Variants in PCNT observed in about 807,000 individuals in gnomAD.
PCNT encodes kendrin.
In PCNT, 319 loss-of-function variants were observed where a neutral mutation model predicts 380.4. The ratio of observed to expected loss-of-function variants is 0.84; its 90% CI spans 0.77 to 0.92. The LOEUF (loss-of-function observed/expected upper bound fraction) is 0.92, where lower values mean the gene tolerates loss of function less well. Among genes scored for constraint, PCNT ranks in the 40% least tolerant of loss-of-function variants. The pLI, the probability that PCNT is intolerant of heterozygous loss-of-function variation, is 0.00. For synonymous variants in PCNT, 1,845 were observed against 1,735.2 expected, an observed-to-expected ratio of 1.06 and a Z score of -1.57; for missense variants, 4,400 against 4,255.3, an observed-to-expected ratio of 1.03 and a Z score of -0.95.
At chr21:46,353,012 C>T (rs2084331707) in intron 9 of PCNT, 92 bp from the exon 10 acceptor site, 2 of 1,036,278 alleles carry the variant, frequency 1.9e-6, no homozygotes, top group Non-Finnish European at 3.0e-6. Flanking sequence ...CCGAGTTCTG[C>T]CCCCACCACA....
Position 46,428,515 on chromosome 21 carries a change from C to T in PCNT, c.7615C>T (p.Leu2539=), listed in dbSNP as rs1392678978. Residue 2539 remains leucine (L), a synonymous_variant, in exon 35 of 47, where the codon CTG becomes TTG. Transcript: ENST00000359568. ...RMTHLQNQEK[L]QHLRTALTSA... The stretch of plus-strand genomic sequence containing the variant: ...GACGCACCTGCAGAACCAGGAGAAG[C>T]TGCAGCACTTGCGCACGGCGCTGAC... 7 of 1,611,824 alleles carry T rather than the reference C, an allele frequency of 4.3e-6. No homozygotes were observed. The highest frequency in any genetic ancestry group is 5.1e-6 in the Non-Finnish European group (6 of 1,179,728).
intron 24 of PCNT, among the ~76,000 whole-genome samples, chr21:46,398,825 T>C (rs2086298759): frequency 6.7e-6 from 1 of 148,600 alleles, no homozygotes; most frequent in Non-Finnish European, 1.5e-5. Context: ...TTTTTCTTTT[T>C]TTTTTTTTTT....
intron 32 of PCNT, among the ~76,000 whole-genome samples, chr21:46,422,658 T>G (rs2087303920): frequency 6.6e-6 from 1 of 152,130 alleles, no homozygotes; most frequent in African/African-American, 2.4e-5. Context: ...AACAAGTGAG[T>G]GATAGAATGA....
chr21:46,398,380 CTCTT>C lies in PCNT; in HGVS notation c.4584+126_4584+129del. On this transcript the variant is annotated intron_variant, in intron 24 of 46. Coordinates refer to ENST00000359568, the MANE Select transcript of PCNT (RefSeq NM_006031.6). ...TGTTTGGGCTGCAGCCATCTGCTTT[CTCTT>C]GTCTGAGGAAGCTGTAGTAGGTTCG... The C allele has an allele frequency of 3.0e-6, 3 of 1,015,370 alleles. No individual in the cohort carries two copies. The South Asian group carries it at 4.1e-5, about 14-fold the overall frequency. The allele number at this position is 1,015,370 out of a possible 1,614,324, so 62.9% of individuals were successfully genotyped here. A position where few individuals can be genotyped will look rare whatever the true frequency, so the allele number is the denominator to read the frequency against.
At chr21:46,412,320 T>C (rs2086815953) in intron 28 of PCNT, among the ~76,000 whole-genome samples, 1 of 152,198 alleles carries the variant, frequency 6.6e-6, no homozygotes, top group South Asian at 2.1e-4. Context: ...TTAAAAACAA[T>C]TCTTTCTTTC....
intron 27 of PCNT, among the ~76,000 whole-genome samples, chr21:46,407,581 G>T (rs1159515723): frequency 6.6e-6 from 1 of 152,034 alleles, no homozygotes; most frequent in African/African-American, 2.4e-5. Context: ...CTGACCTCGT[G>T]ATCCGCCCGA....
At chr21:46,325,027 C>T (rs1462736790) in intron 1 of PCNT, 3 of 985,302 alleles carry the variant, frequency 3.0e-6, no homozygotes, top group Non-Finnish European at 3.6e-6. Context: ...CGCCGGGCGC[C>T]TTCAAGGGAC....
At chr21:46,434,779 T>A (rs1252767838) in intron 38 of PCNT, among the ~76,000 whole-genome samples, 2 of 152,214 alleles carry the variant, frequency 1.3e-5, no homozygotes, top group Non-Finnish European at 2.9e-5. Context: ...CTCAGGCTCA[T>A]ACGTGTGTGC....
chr21:46,325,636 T>C (rs915425542), intron 1 of PCNT, among the ~76,000 whole-genome samples: 22 of 152,334 alleles, frequency 1.4e-4, no homozygotes, highest in African/African-American at 5.1e-4. Context: ...TTCCATGCGT[T>C]TGTTTTTGTG....
Position 46,411,702 on chromosome 21 carries a change from A to G in PCNT, c.5629A>G (p.Ile1877Val). Residue 1877 changes from isoleucine (I) to valine (V), a missense_variant, in exon 28 of 47, where the codon ATC becomes GTC. By Grantham distance (29) the Ile-to-Val change is conservative. Coordinates refer to ENST00000359568, the MANE Select transcript of PCNT (RefSeq NM_006031.6). ...EATIAERNLEIDALNQRKAAH... is the reference protein window; with the variant it reads ...EATIAERNLEVDALNQRKAAH... ...GACGATTGCCGAGAGAAATTTAGAA[A>G]TCGACGCTCTGAACCAGCGGAAGGC... 1.9e-6 allele frequency: 3 copies of G among 1,612,756 alleles called. No homozygotes were observed. Among genetic ancestry groups the G allele is most frequent in the Non-Finnish European group, 2.5e-6 (3 of 1,179,824 alleles).
rs1473781853 is a variant in PCNT, at chr21:46,431,143, T to G, written c.8065-386T>G. The G allele has an allele frequency of 1.7e-5, 20 of 1,185,846 alleles. No individual in the cohort carries two copies. The East Asian group carries it at 1.2e-3, about 68-fold the overall frequency. The allele number at this position is 1,185,846 out of a possible 1,614,324, so 73.5% of individuals were successfully genotyped here. A position where few individuals can be genotyped will look rare whatever the true frequency, so the allele number is the denominator to read the frequency against. ...TGGGTGTGTATCTCTGAGCCTCTGG[T>G]GGAGTGATTTTCTGAAGAGGGGGCA... On this transcript the variant is annotated intron_variant, in intron 37 of 46. Coordinates refer to ENST00000359568, the MANE Select transcript of PCNT (RefSeq NM_006031.6).
At chr21:46,375,145 C>T (rs2147059564) in intron 15 of PCNT, among the ~76,000 whole-genome samples, 1 of 152,208 alleles carries the variant, frequency 6.6e-6, no homozygotes, top group East Asian at 1.9e-4. Context: ...AGTATGTATC[C>T]CATAAGATTC....
At chr21:46,414,235 A>G (rs1602018741) in intron 29 of PCNT, among the ~76,000 whole-genome samples, 1 of 151,050 alleles carries the variant, frequency 6.6e-6, no homozygotes, top group South Asian at 2.1e-4. Flanking sequence ...TAGGTGATCC[A>G]CCCTCCTCAG....
At chr21:46,441,678 C>T (rs565791049) in intron 43 of PCNT, among the ~76,000 whole-genome samples, 1 of 152,296 alleles carries the variant, frequency 6.6e-6, no homozygotes, top group African/African-American at 2.4e-5. Context: ...GTCCATCCTT[C>T]CACCCACCCA....
At position 46,426,574 on chromosome 21, in the gene PCNT, A is replaced by G. The variant is rs999431498; in HGVS notation, c.7320+603A>G. ...CGGCCCATTCCAGCACTTGTCCCCC[A>G]GGGCCTCTCCTCCTGCCACTCGGGT... On this transcript the variant is annotated intron_variant, in intron 33 of 46. Coordinates refer to ENST00000359568, the MANE Select transcript of PCNT (RefSeq NM_006031.6). 5.9e-5 allele frequency among the ~76,000 whole-genome samples: 9 copies of G among 152,144 alleles called. 1 individual carries two copies. The highest frequency in any genetic ancestry group is 2.2e-4 in the African/African-American group (9 of 41,526).
chr21:46,369,315 C>G (rs1364743600), intron 15 of PCNT, among the ~76,000 whole-genome samples: 1 of 152,198 alleles, frequency 6.6e-6, no homozygotes, highest in Non-Finnish European at 1.5e-5. Context: ...CTCAAGAGAT[C>G]CTCTTGCCTT....
Position 46,351,454 on chromosome 21 carries a change from A to G in PCNT, c.1370A>G (p.Glu457Gly), listed in dbSNP as rs147868583. ...TTAGAGAATCTTCAAGCATCATATG[A>G]AGACCTGAAGGCACAATCACAAGAA... Reference protein sequence around the residue: ...LELENLQASYEDLKAQSQEEI... With the variant: ...LELENLQASYGDLKAQSQEEI... Residue 457 changes from glutamate (E) to glycine (G), a missense_variant, in exon 9 of 47, where the codon GAA becomes GGA. Glu to Gly is a moderately conservative substitution (Grantham distance 98). Transcript: ENST00000359568. 213 of 1,610,912 alleles carry G rather than the reference A, an allele frequency of 1.3e-4. 1 individual carries two copies. Among genetic ancestry groups the G allele is most frequent in the Admixed American group, 8.3e-5 (5 of 60,000 alleles).
Position 46,411,929 on chromosome 21 carries a change from C to T in PCNT, c.5856C>T (p.Ala1952=), listed in dbSNP as rs1179853280. The T allele has an allele frequency of 1.3e-6, 2 of 1,592,570 alleles. No homozygotes were observed. Among genetic ancestry groups the T allele is most frequent in the South Asian group, 2.2e-5 (2 of 90,150 alleles). Residue 1952 remains alanine (A), a synonymous_variant, in exon 28 of 47, where the codon GCC becomes GCT. Coordinates refer to ENST00000359568, the MANE Select transcript of PCNT (RefSeq NM_006031.6). ...RCQVELDRRQ[A]RRATAHTRVP... ...AGGTGGAGCTGGACAGGCGGCAGGC[C>T]CGCAGAGCCACAGCTCACACACGGG...
chr21:46,384,868 C>T (rs567733982), intron 16 of PCNT, among the ~76,000 whole-genome samples: 2 of 152,100 alleles, frequency 1.3e-5, no homozygotes, highest in Non-Finnish European at 2.9e-5. Flanking sequence ...AGTGCATTCA[C>T]AGTGTTGTGC....
Sources: gnomAD v4.1 joint callset for allele counts (sites outside exome capture counted in the v4.1 genomes callset) on GRCh38, gnomAD v4.1.1 for gene constraint, MANE v1.5 for transcripts, NCBI Gene and HGNC (gene_info 2026-07-23, HGNC 2026-07-21) for gene names.